Variants in MRPS6 observed in about 807,000 individuals in gnomAD.
The protein encoded by MRPS6 is small ribosomal subunit protein bS6m.
A neutral mutation model predicts 13.1 loss-of-function variants in MRPS6; 6 were observed. The observed-to-expected ratio is 0.46, with a 90% CI of 0.25 to 0.91. The LOEUF (loss-of-function observed/expected upper bound fraction) is 0.91, where lower values mean the gene tolerates loss of function less well. MRPS6 is among the 40% of genes least tolerant of loss of function. The pLI, the probability that MRPS6 is intolerant of heterozygous loss-of-function variation, is 0.18. For missense variants in MRPS6, 164 were observed against 155.6 expected, an observed-to-expected ratio of 1.05 and a Z score of -0.29; for synonymous variants, 61 against 56.5, an observed-to-expected ratio of 1.08 and a Z score of -0.36.
intron 1 of MRPS6, chr21:34,099,587 A>G (rs1602934521): frequency 1.0e-6 from 1 of 999,802 alleles, no homozygotes; most frequent in Non-Finnish European, 1.2e-6. Context: ...GCGTAAATGA[A>G]TAGGAGGTGT....
At chr21:34,102,235 C>T (rs1979271627) in intron 1 of MRPS6, 2 of 999,704 alleles carry the variant, frequency 2.0e-6, no homozygotes, top group Middle Eastern at 5.2e-4. Flanking sequence ...ACTGGCTTTG[C>T]CAGTGGTGAG....
At chr21:34,118,603 C>T (rs1421739171) in intron 1 of MRPS6, among the ~76,000 whole-genome samples, 1 of 147,388 alleles carries the variant, frequency 6.8e-6, no homozygotes, top group Non-Finnish European at 1.5e-5. Context: ...ACTACAACCT[C>T]CTTCTGGCTC....
intron 1 of MRPS6, chr21:34,097,968 T>C (rs1357123006): frequency 4.0e-5 from 40 of 997,232 alleles, no homozygotes; most frequent in Non-Finnish European, 4.5e-5. Context: ...TATGGAATGT[T>C]AGGGAAAAAC....
chr21:34,110,526 C>T (rs974600290), intron 1 of MRPS6, among the ~76,000 whole-genome samples: 2 of 151,968 alleles, frequency 1.3e-5, no homozygotes, highest in African/African-American at 4.8e-5. Context: ...TTCTTTTATA[C>T]AATGTGTATT....
In MRPS6 at chr21:34,125,342, C is replaced by T. The variant is rs1285778361; in HGVS notation, c.47C>T (p.Pro16Leu). The change falls in exon 2 of 3, where the codon CCA (proline) becomes CTA (leucine). Residue 16 changes from proline to leucine, a missense_variant and splice_region_variant. By Grantham distance (98) the Pro-to-Leu change is moderately conservative (BLOSUM62 -3). Transcript: ENST00000399312. The stretch of plus-strand genomic sequence containing the variant: ...CTTTAAAAACACAAACAAAAACAGC[C>T]AGAGACTGCTGCTACTTTGAAACGT... ...LALILKAMQR[P>L]ETAATLKRTI... The T allele has an allele frequency of 1.2e-6, 2 of 1,606,720 alleles. No homozygotes were observed. Among genetic ancestry groups the T allele is most frequent in the East Asian group, 2.2e-5 (1 of 44,834 alleles).
chr21:34,096,792 C>G lies in MRPS6; in HGVS notation c.45+23047C>G. ...ACTCATTACTGTAATTGTGAGCCTT[C>G]TCACACCACCTCCCACAAAGGAACA... is the stretch of plus-strand genomic sequence containing the variant. On this transcript the variant is annotated intron_variant, in intron 1 of 2. Coordinates refer to ENST00000399312, the MANE Select transcript of MRPS6 (RefSeq NM_032476.4). The surrounding 1 kb of genome is among the most constrained non-coding windows in gnomAD (Gnocchi z 5.9). The G allele has an allele frequency of 6.2e-7, 1 of 1,614,020 alleles. No individual in the cohort carries two copies. The highest frequency in any genetic ancestry group is 8.5e-7 in the Non-Finnish European group (1 of 1,179,980).
At chr21:34,117,030 G>A (rs1314715802) in intron 1 of MRPS6, among the ~76,000 whole-genome samples, 1 of 152,112 alleles carries the variant, frequency 6.6e-6, no homozygotes, top group Non-Finnish European at 1.5e-5. Context: ...CACTCTGACT[G>A]ATTCCCCACA....
intron 2 of MRPS6, chr21:34,136,184 G>A: frequency 6.3e-6 from 1 of 157,712 alleles, no homozygotes. Flanking sequence ...GTCTTGCTCT[G>A]CCACCCAGGC....
chr21:34,125,081 C>A, intron 1 of MRPS6: 1 of 383,596 alleles, frequency 2.6e-6, no homozygotes, highest in South Asian at 5.2e-5. Flanking sequence ...TCCCAGATCC[C>A]TGGAGCTGCC....
intron 1 of MRPS6, chr21:34,098,497 C>G: frequency 1.0e-6 from 1 of 1,000,108 alleles, no homozygotes; most frequent in Non-Finnish European, 1.2e-6. Context: ...TCCATCTGTA[C>G]ACAGCCTCTA....
At chr21:34,111,845 GTTT>G (rs60855689) in intron 1 of MRPS6, among the ~76,000 whole-genome samples, 2 of 141,974 alleles carry the variant, frequency 1.4e-5, no homozygotes, top group South Asian at 2.2e-4. Flanking sequence ...CAGAGTTGAG[GTTT>G]TTTTTTTTTT....
intron 2 of MRPS6, among the ~76,000 whole-genome samples, chr21:34,132,524 A>G (rs571560158): frequency 1.2e-4 from 18 of 152,362 alleles, no homozygotes; most frequent in African/African-American, 3.8e-4. Context: ...TGGTAGCAAC[A>G]GGGAGCCTCC....
chr21:34,073,978 C>T (rs868582834), intron 1 of MRPS6, among the ~76,000 whole-genome samples: 1 of 145,614 alleles, frequency 6.9e-6, no homozygotes, highest in East Asian at 2.0e-4. Flanking sequence ...GTGCGCGGTC[C>T]GGGAGGGTGT....
chr21:34,086,100 C>T (rs1459171634), intron 1 of MRPS6, among the ~76,000 whole-genome samples: 1 of 152,222 alleles, frequency 6.6e-6, no homozygotes, highest in East Asian at 1.9e-4. Context: ...CTTCTTACCC[C>T]ACTCTTTACC....
At chr21:34,104,890 T>C in intron 1 of MRPS6, 1 of 1,000,282 alleles carries the variant, frequency 1.0e-6, no homozygotes, top group Non-Finnish European at 1.2e-6. Context: ...TGGAGATTTC[T>C]TTGGCAGAAA....
intron 2 of MRPS6, among the ~76,000 whole-genome samples, chr21:34,127,953 G>T (rs961764201): frequency 6.6e-6 from 1 of 152,162 alleles, no homozygotes; most frequent in Non-Finnish European, 1.5e-5. Context: ...CCGAAATTAC[G>T]GCAAGGCGCT....
At chr21:34,131,949 C>T (rs942283555) in intron 2 of MRPS6, among the ~76,000 whole-genome samples, 3 of 152,150 alleles carry the variant, frequency 2.0e-5, no homozygotes, top group African/African-American at 7.2e-5. Context: ...TGAGGTTTGT[C>T]TGTAGTAGAT....
intron 1 of MRPS6, among the ~76,000 whole-genome samples, chr21:34,076,376 T>C (rs1419752454): frequency 1.3e-5 from 2 of 152,206 alleles, no homozygotes; most frequent in Admixed American, 6.5e-5. Context: ...AGTATCTGGA[T>C]TGTAGCAAAG....
rs146277139 is a variant in MRPS6, at chr21:34,136,170, C to T, written c.186-6238C>T. ...TTCTTTTTTCTTTTTTTTTTTGAGACGGAGTCTTGCTCTGCCACCCAGGCT... is the reference window on the plus strand; with the variant it reads ...TTCTTTTTTCTTTTTTTTTTTGAGATGGAGTCTTGCTCTGCCACCCAGGCT... On this transcript the variant is annotated intron_variant, in intron 2 of 2. Coordinates refer to ENST00000399312, the MANE Select transcript of MRPS6 (RefSeq NM_032476.4). 5.2e-3 allele frequency: 839 copies of T among 159,884 alleles called. 3 individuals are homozygous for T. Among genetic ancestry groups the T allele is most frequent in the Non-Finnish European group, 6.3e-3 (463 of 73,460 alleles). 9.9% of individuals were successfully genotyped at this position (159,884 alleles called of 1,614,324 possible).
Sources: allele counts gnomAD v4.1 joint callset (sites outside exome capture counted in the v4.1 genomes callset), GRCh38; gene constraint gnomAD v4.1.1; non-coding constraint Gnocchi (gnomAD v3.1); transcripts MANE v1.5; gene names NCBI Gene and HGNC (gene_info 2026-07-23, HGNC 2026-07-21).